The following DNAH9 variants were observed in gnomAD, a reference collection of about 807,000 sequenced individuals.
The protein encoded by DNAH9 is DNAH9 variant protein.
A neutral mutation model predicts 471.6 loss-of-function variants in DNAH9; 345 were observed. The observed-to-expected ratio is 0.73, with a 90% confidence interval of 0.67 to 0.80. The LOEUF (loss-of-function observed/expected upper bound fraction) is 0.80. Among genes scored for constraint, DNAH9 ranks in the 30% least tolerant of loss-of-function variants. The pLI is 0.00. For synonymous variants in DNAH9, 2,093 were observed against 2,123.6 expected, an observed-to-expected ratio of 0.99 and a Z score of 0.40; for missense variants, 5,407 against 5,609.2, an observed-to-expected ratio of 0.96 and a Z score of 1.15.
chr17:11,814,573 A>G (rs908493325), intron 45 of DNAH9, among the ~76,000 whole-genome samples: 5 of 152,230 alleles, frequency 3.3e-5, no homozygotes, highest in Non-Finnish European at 7.3e-5. Flanking sequence ...ATGCTCAGTC[A>G]CTAGGTACTG....
intron 26 of DNAH9, among the ~76,000 whole-genome samples, chr17:11,710,419 T>C (rs2074809236): frequency 6.6e-6 from 1 of 152,202 alleles, no homozygotes. Context: ...TGACACATAC[T>C]TTCAAATCGT....
At chr17:11,731,017 GTGGTGA>G (rs2075255056) in intron 28 of DNAH9, among the ~76,000 whole-genome samples, 1 of 82,042 alleles carries the variant, frequency 1.2e-5, no homozygotes, top group Non-Finnish European at 2.6e-5. Flanking sequence ...AATGATGATG[GTGGTGA>G]TGATGATGGT....
intron 43 of DNAH9, among the ~76,000 whole-genome samples, chr17:11,805,433 A>C (rs1044661431): frequency 6.6e-5 from 10 of 150,840 alleles, no homozygotes; most frequent in African/African-American, 2.4e-4. Flanking sequence ...TTATAACATC[A>C]TTAACACAGA....
chr17:11,605,719 G>T (rs553245296), intron 1 of DNAH9, among the ~76,000 whole-genome samples: 20 of 149,652 alleles, frequency 1.3e-4, no homozygotes, highest in African/African-American at 4.8e-4. Flanking sequence ...TGCCCAGGCA[G>T]GTCTCCGACT....
At chr17:11,724,023 G>C (rs2075109462) in intron 27 of DNAH9, among the ~76,000 whole-genome samples, 1 of 151,916 alleles carries the variant, frequency 6.6e-6, no homozygotes, top group Non-Finnish European at 1.5e-5. Context: ...CATCATAACT[G>C]TACATATTAA....
rs757107571 is a variant in DNAH9, at chr17:11,807,776, T to G, written c.8465T>G (p.Leu2822Arg). The G allele has an allele frequency of 7.4e-6, 12 of 1,613,894 alleles. No homozygotes were observed. The highest frequency in any genetic ancestry group is 1.0e-5 in the Non-Finnish European group (12 of 1,179,762). Residue 2822 changes from leucine to arginine, a missense_variant, in exon 44 of 69, where the codon CTG (leucine) becomes CGG (arginine). By Grantham distance (102) the Leu-to-Arg change is moderately radical. This residue lies in a region of DNAH9 where 4,636 missense variants were observed against 4,900.3 expected (regional missense o/e 0.95). Coordinates refer to ENST00000262442, the MANE Select transcript of DNAH9 (RefSeq NM_001372.4). ...RILESPRGNA[L>R]LVGVGGSGKQ... Reference sequence around the variant, plus strand: ...TTGGAGTCCCCGCGGGGAAATGCTCTGCTGGTTGGTGTAGGTGGGAGCGGC... The same window carrying G: ...TTGGAGTCCCCGCGGGGAAATGCTCGGCTGGTTGGTGTAGGTGGGAGCGGC...
rs1966944490 is a variant in DNAH9, at chr17:11,747,634, G to A, written c.6478G>A (p.Val2160Met). The part of the protein sequence containing the change: ...VGGAGTGKSQ[V>M]LRSLHKTYQI... ...TGGCGCTGGTACCGGCAAGTCACAG[G>A]TGCTGAGGTCCTTGCACAAGACCTA... The change falls in exon 32 of 69, where the codon GTG becomes ATG. Residue 2160 changes from valine to methionine, a missense_variant. Transcript: ENST00000262442. The A allele has an allele frequency of 3.7e-6, 6 of 1,614,024 alleles. No individual in the cohort carries two copies. Among genetic ancestry groups the A allele is most frequent in the African/African-American group, 1.3e-5 (1 of 74,926 alleles).
In DNAH9 at chr17:11,866,977, C is replaced by T. The variant is rs367782019; in HGVS notation, c.9934-2157C>T. ...TCCCTGACCCCTTGTGCTTCCCGAG[C>T]GAGGCAATGCCTCGCCCTGCTTCAG... On this transcript the variant is annotated intron_variant, in intron 50 of 68. Coordinates refer to ENST00000262442, the MANE Select transcript of DNAH9 (RefSeq NM_001372.4). 3.2e-4 allele frequency among the ~76,000 whole-genome samples: 48 copies of T among 152,340 alleles called. No individual in the cohort carries two copies. The South Asian group carries it at 3.3e-3, about 11-fold the overall frequency.
intron 36 of DNAH9, among the ~76,000 whole-genome samples, chr17:11,765,646 A>G (rs773185916): frequency 9.9e-5 from 15 of 152,282 alleles, no homozygotes; most frequent in South Asian, 2.1e-4. Flanking sequence ...AGGAGGATAC[A>G]TGAGCCAGGA....
At chr17:11,712,828 C>T (rs1446655704) in intron 26 of DNAH9, among the ~76,000 whole-genome samples, 1 of 150,156 alleles carries the variant, frequency 6.7e-6, no homozygotes, top group Non-Finnish European at 1.5e-5. Flanking sequence ...AATGTGTTTG[C>T]AGATATTTTG....
intron 65 of DNAH9, among the ~76,000 whole-genome samples, chr17:11,936,257 G>A (rs906156489): frequency 2.0e-5 from 3 of 152,130 alleles, no homozygotes; most frequent in East Asian, 3.9e-4. Context: ...ATAACACCAA[G>A]GAATCGTCAA....
intron 45 of DNAH9, among the ~76,000 whole-genome samples, chr17:11,813,257 T>TTTG: frequency 6.6e-6 from 1 of 152,134 alleles, no homozygotes; most frequent in Admixed American, 6.6e-5. Flanking sequence ...AAAGGTAAAA[T>TTTG]TTGTGTATAC....
At chr17:11,961,845 C>T in intron 67 of DNAH9, 22 bp from the exon 68 acceptor site, 1 of 1,575,090 alleles carries the variant, frequency 6.3e-7, no homozygotes, top group Non-Finnish European at 8.6e-7. Flanking sequence ...CACGCTTTCC[C>T]CCTCCCATTC....
chr17:11,853,398 A>T (rs758648641), intron 49 of DNAH9, among the ~76,000 whole-genome samples: 1 of 152,028 alleles, frequency 6.6e-6, no homozygotes, highest in South Asian at 2.1e-4. Context: ...GCCAAGATCA[A>T]CTCTTTCAGC....
chr17:11,757,598 T>C lies in DNAH9; in HGVS notation c.6901T>C (p.Trp2301Arg). 1 of 1,614,088 alleles carries C rather than the reference T, an allele frequency of 6.2e-7. No homozygotes were observed. Among genetic ancestry groups the C allele is most frequent in the Non-Finnish European group, 8.5e-7 (1 of 1,179,910 alleles). The change falls in exon 35 of 69, where the codon TGG (tryptophan) becomes CGG (arginine). Residue 2301 changes from tryptophan (W) to arginine (R), a missense_variant. Trp to Arg is a moderately radical substitution (Grantham distance 101). This residue lies in a region of DNAH9 where 4,636 missense variants were observed against 4,900.3 expected (regional missense o/e 0.95). Transcript: ENST00000262442. ...GGGATGGAACCCTCCAGTGAGCAGCTGGATTGAGAAGAGGGAAATCCAGAC... is the reference window on the plus strand; with the variant it reads ...GGGATGGAACCCTCCAGTGAGCAGCCGGATTGAGAAGAGGGAAATCCAGAC... The part of the protein sequence containing the change: ...DLGWNPPVSS[W>R]IEKREIQTER...
chr17:11,598,933 T>A lies in DNAH9; in HGVS notation c.417+18T>A. On this transcript the variant is annotated intron_variant, in intron 1 of 68. Coordinates refer to ENST00000262442, the MANE Select transcript of DNAH9 (RefSeq NM_001372.4). ...TCTCGGAGGTGAGGGTGGGTTAGTG[T>A]CCCCGCGCGGCTAAAGCTGGGTGGG... 8.9e-7 allele frequency: 1 copy of A among 1,129,070 alleles called. No individual in the cohort carries two copies. Among genetic ancestry groups the A allele is most frequent in the Non-Finnish European group, 1.1e-6 (1 of 914,640 alleles). The allele number at this position is 1,129,070 out of a possible 1,614,324, so 69.9% of individuals were successfully genotyped here.
chr17:11,768,485 G>A lies in DNAH9; in HGVS notation c.7203G>A (p.Trp2401Ter). The A allele has an allele frequency of 6.2e-7, 1 of 1,614,094 alleles. No individual in the cohort carries two copies. The highest frequency in any genetic ancestry group is 8.5e-7 in the Non-Finnish European group (1 of 1,179,958). ...ACTACCGGGCAGAGTTCAGCAAATG[G>A]TGGCTGACTGAGTTCAAAACAGTCA... Reference protein sequence around the residue: ...LVDYRAEFSKWWLTEFKTVKF... With the variant: ...LVDYRAEFSK Residue 2401 changes from tryptophan (W) to a stop codon, truncating the protein, a stop_gained, in exon 37 of 69, where the codon TGG (tryptophan) becomes TGA (stop). Transcript: ENST00000262442. LOFTEE classifies it high-confidence loss of function.
rs137996054 is a variant in DNAH9, at chr17:11,896,208, C to A, written c.11406+1712C>A. 1.8e-3 allele frequency among the ~76,000 whole-genome samples: 275 copies of A among 152,268 alleles called. 3 individuals are homozygous for A. Among genetic ancestry groups the A allele is most frequent in the Admixed American group, 0.014 (214 of 15,284 alleles). ...CTTAACTTGATTACATCTACAAAGA[C>A]CCTATTTCCAAATAAGATCACATTC... On this transcript the variant is annotated intron_variant, in intron 59 of 68. Coordinates refer to ENST00000262442, the MANE Select transcript of DNAH9 (RefSeq NM_001372.4).
At chr17:11,949,496 T>A (rs967045056) in intron 67 of DNAH9, among the ~76,000 whole-genome samples, 4 of 150,236 alleles carry the variant, frequency 2.7e-5, no homozygotes, top group African/African-American at 9.7e-5. Context: ...TTTTTTTTTC[T>A]TTGAGACGGA....
Sources: allele counts gnomAD v4.1 joint callset (sites outside exome capture counted in the v4.1 genomes callset), GRCh38; gene constraint gnomAD v4.1.1; regional missense constraint gnomAD v4.1.1; transcripts MANE v1.5; gene names NCBI Gene and HGNC (gene_info 2026-07-23, HGNC 2026-07-21).